Variants in BBS9 observed in about 807,000 individuals in gnomAD.
BBS9 encodes the protein protein PTHB1.
Under a neutral mutation model 117.7 loss-of-function variants are expected in BBS9, and 89 were observed. The ratio of observed to expected loss-of-function variants is 0.76; its 90% confidence interval spans 0.64 to 0.90. The LOEUF (loss-of-function observed/expected upper bound fraction) is 0.90, where lower values mean the gene tolerates loss of function less well. BBS9 is among the 40% of genes least tolerant of loss of function. BBS9 has a pLI of 0.00. For synonymous variants in BBS9, 379 were observed against 370.9 expected (o/e 1.02, Z -0.25); for missense variants, 982 against 1,042.2 (o/e 0.94, Z 0.80).
chr7:33,309,986 G>A (rs949434138), intron 9 of BBS9, among the ~76,000 whole-genome samples: 5 of 152,180 alleles, frequency 3.3e-5, no homozygotes, highest in Non-Finnish European at 2.9e-5. Flanking sequence ...AAGTCCAGTG[G>A]CATCGGAGCC....
intron 19 of BBS9, among the ~76,000 whole-genome samples, chr7:33,501,502 C>T (rs769212592): frequency 1.3e-5 from 2 of 152,192 alleles, no homozygotes; most frequent in Admixed American, 6.5e-5. Context: ...TTAGACGATG[C>T]TTCTGTCCGA....
At chr7:33,427,840 G>T (rs758122179) in intron 19 of BBS9, among the ~76,000 whole-genome samples, 8 of 152,252 alleles carry the variant, frequency 5.3e-5, no homozygotes, top group Middle Eastern at 3.4e-3. Context: ...GTAGCTAAGC[G>T]TAGGATATTT....
chr7:33,435,877 A>G (rs1198142986), intron 19 of BBS9, among the ~76,000 whole-genome samples: 2 of 152,088 alleles, frequency 1.3e-5, no homozygotes, highest in African/African-American at 4.8e-5. Flanking sequence ...ATCAGTGCTG[A>G]ATATTAGCCA....
At chr7:33,499,228 A>T (rs1371848250) in intron 19 of BBS9, among the ~76,000 whole-genome samples, 1 of 152,232 alleles carries the variant, frequency 6.6e-6, no homozygotes, top group Non-Finnish European at 1.5e-5. Flanking sequence ...TTTGAATCAG[A>T]CACTTACAGC....
In BBS9 at chr7:33,177,545, G is replaced by A. The variant is rs10255104; in HGVS notation, c.396G>A (p.Gln132=). The A allele has an allele frequency of 3.2e-5, 51 of 1,613,258 alleles. No individual in the cohort carries two copies. Among genetic ancestry groups the A allele is most frequent in the Non-Finnish European group, 4.3e-5 (51 of 1,179,838 alleles). The change falls in exon 5 of 23, where the codon CAG becomes CAA. Residue 132 remains glutamine, a synonymous_variant. Transcript: ENST00000242067. ...QMKLMYEHNL[Q]RTACNMTYGS... is the part of the protein sequence containing the mutation. ...AATTGATGTATGAACATAATCTTCA[G>A]AGAACAGCCTGCAATATGACCTATG...
At chr7:33,409,464 A>C (rs952178616) in intron 19 of BBS9, among the ~76,000 whole-genome samples, 3 of 152,186 alleles carry the variant, frequency 2.0e-5, no homozygotes, top group Admixed American at 1.3e-4. Flanking sequence ...TGATGGTTAT[A>C]GGTGTGCAGC....
At chr7:33,596,257 AACACACACACAC>A (rs777940429) in intron 21 of BBS9, among the ~76,000 whole-genome samples, 3,384 of 118,822 alleles carry the variant, frequency 0.028, 110 homozygotes, top group African/African-American at 0.1. Context: ...ACAGAACAGA[AACACACACACAC>A]ACACACACAC....
chr7:33,271,188 C>A (rs1799727961), intron 7 of BBS9, among the ~76,000 whole-genome samples: 1 of 152,138 alleles, frequency 6.6e-6, no homozygotes, highest in Non-Finnish European at 1.5e-5. Context: ...ACCAGACCTG[C>A]CTTACTAGAG....
At chr7:33,220,714 T>A (rs1340003091) in intron 5 of BBS9, among the ~76,000 whole-genome samples, 1 of 152,264 alleles carries the variant, frequency 6.6e-6, no homozygotes, top group Non-Finnish European at 1.5e-5. Context: ...GTCCAATTCA[T>A]GTGTTTACTT....
chr7:33,441,289 A>T (rs934039030), intron 19 of BBS9, among the ~76,000 whole-genome samples: 4 of 146,998 alleles, frequency 2.7e-5, no homozygotes, highest in African/African-American at 9.7e-5. Context: ...CCAAAAAAAA[A>T]AAATAAAATA....
At chr7:33,617,918 T>C (rs563191387) in intron 21 of BBS9, among the ~76,000 whole-genome samples, 22 of 152,258 alleles carry the variant, frequency 1.4e-4, no homozygotes, top group African/African-American at 5.1e-4. Flanking sequence ...AACTAACATA[T>C]GCATTATGGA....
intron 13 of BBS9, 133 bp downstream of exon 13, chr7:33,349,303 G>A: frequency 2.8e-6 from 2 of 725,584 alleles, no homozygotes; most frequent in East Asian, 5.6e-5. Context: ...TGATTGTGTT[G>A]TTTTGCTTAT....
intron 4 of BBS9, among the ~76,000 whole-genome samples, chr7:33,156,868 TCC>T (rs1234773841): frequency 3.3e-5 from 5 of 152,126 alleles, no homozygotes; most frequent in Non-Finnish European, 5.9e-5. Flanking sequence ...ATGTTGCTCC[TCC>T]TAGTGTCAGG....
At position 33,438,787 on chromosome 7, in the gene BBS9, A is replaced by G. The variant is rs77034100; in HGVS notation, c.2115+50643A>G. Among the ~76,000 whole-genome samples, 2,742 of 152,312 alleles carry G rather than the reference A, an allele frequency of 0.018. 201 individuals are homozygous for G. In the East Asian group the frequency reaches 0.26, roughly 14 times the overall value. On this transcript the variant is annotated intron_variant, in intron 19 of 22. Coordinates refer to ENST00000242067, the MANE Select transcript of BBS9 (RefSeq NM_198428.3). ...GCTAATATTTAACGCAGTCTCAAAA[A>G]CACAATGCTGAGAAAGAAAGAACAC... is the stretch of plus-strand genomic sequence containing the variant.
intron 19 of BBS9, among the ~76,000 whole-genome samples, chr7:33,467,551 C>G (rs1217989571): frequency 8.7e-6 from 1 of 115,262 alleles, no homozygotes; most frequent in African/African-American, 3.4e-5. Flanking sequence ...TTCACCAGTG[C>G]TGTGGGAACC....
intron 9 of BBS9, among the ~76,000 whole-genome samples, chr7:33,291,163 T>C (rs1421904601): frequency 6.6e-6 from 1 of 152,202 alleles, no homozygotes; most frequent in Admixed American, 6.5e-5. Flanking sequence ...AATTTGTGTT[T>C]ACTAGCATAG....
chr7:33,527,596 CTGCTTCGGCTCGCGCACGG>C (rs1849810717), intron 20 of BBS9, among the ~76,000 whole-genome samples: 1 of 152,240 alleles, frequency 6.6e-6, no homozygotes, highest in South Asian at 2.1e-4. Context: ...ATGCCTCGCC[CTGCTTCGGCTCGCGCACGG>C]TGCGCACACC....
intron 18 of BBS9, among the ~76,000 whole-genome samples, chr7:33,386,590 A>T (rs1408129409): frequency 6.6e-6 from 1 of 151,780 alleles, no homozygotes; most frequent in Non-Finnish European, 1.5e-5. Context: ...TCCTGGGTTC[A>T]CGCCATTCTC....
intron 19 of BBS9, among the ~76,000 whole-genome samples, chr7:33,406,173 G>C (rs1159262249): frequency 6.6e-6 from 1 of 152,132 alleles, no homozygotes; most frequent in African/African-American, 2.4e-5. Flanking sequence ...TCTTAATCCT[G>C]AGTTCTAGTT....
Sources: allele counts gnomAD v4.1 joint callset (sites outside exome capture counted in the v4.1 genomes callset), GRCh38; gene constraint gnomAD v4.1.1; transcripts MANE v1.5; gene names NCBI Gene and HGNC (gene_info 2026-07-23, HGNC 2026-07-21).